UGT1A10: variants seen among roughly 807,000 people sequenced by gnomAD.
UGT1A10 encodes the protein UDP-glucuronosyltransferase 1A10.
In UGT1A10, 49 loss-of-function variants were observed where a neutral mutation model predicts 45.8. The ratio of observed to expected loss-of-function variants is 1.07; its 90% confidence interval spans 0.85 to 1.36. The LOEUF (loss-of-function observed/expected upper bound fraction) is 1.36, where lower values mean the gene tolerates loss of function less well. Ranked by LOEUF, UGT1A10 falls within the 40% of genes most tolerant of loss-of-function variation. The pLI is 0.00. For missense variants in UGT1A10, 745 were observed against 668.6 expected (o/e 1.11, Z -1.26); for synonymous variants, 284 against 249.7 (o/e 1.14, Z -1.29).
At chr2:233,667,755 T>C (rs1280993352) in intron 1 of UGT1A10, among the ~76,000 whole-genome samples, 2 of 152,162 alleles carry the variant, frequency 1.3e-5, no homozygotes, top group Non-Finnish European at 2.9e-5. Flanking sequence ...AGAAGACATT[T>C]ATGCAGCCAA....
chr2:233,745,152 G>T (rs1403503351), intron 1 of UGT1A10, among the ~76,000 whole-genome samples: 1 of 151,720 alleles, frequency 6.6e-6, no homozygotes, highest in Non-Finnish European at 1.5e-5. Flanking sequence ...GTATATGGAG[G>T]GTCAAATGTG....
chr2:233,644,877 GTAGA>G (rs1464039375), intron 1 of UGT1A10, among the ~76,000 whole-genome samples: 3 of 152,138 alleles, frequency 2.0e-5, no homozygotes, highest in Non-Finnish European at 2.9e-5. Context: ...TTTTTCCTGT[GTAGA>G]TAGTTGCTAA....
chr2:233,755,198 G>A (rs1452134349), intron 1 of UGT1A10: 1 of 1,110,818 alleles, frequency 9.0e-7, no homozygotes, highest in Non-Finnish European at 1.3e-6. Flanking sequence ...GCGCCAGCTT[G>A]CGGTACGCCT....
At chr2:233,693,581 C>T in intron 1 of UGT1A10, 1 of 1,614,212 alleles carries the variant, frequency 6.2e-7, no homozygotes, top group Non-Finnish European at 8.5e-7. Flanking sequence ...GTCCTACATT[C>T]CCAGGTGCTA....
chr2:233,716,698 TA>T (rs1450076401), intron 1 of UGT1A10, among the ~76,000 whole-genome samples: 1 of 152,204 alleles, frequency 6.6e-6, no homozygotes, highest in African/African-American at 2.4e-5. Context: ...TACATTCTCT[TA>T]AAAACACTAA....
chr2:233,772,733 G>A lies in UGT1A10; in HGVS notation c.*174G>A, dbSNP rs1019873826. 7 of 1,442,156 alleles carry A rather than the reference G, an allele frequency of 4.9e-6. No homozygotes were observed. Among genetic ancestry groups the A allele is most frequent in the Non-Finnish European group, 6.4e-6 (7 of 1,099,298 alleles). The allele number at this position is 1,442,156 out of a possible 1,614,324, so 89.3% of individuals were successfully genotyped here. A position where few individuals can be genotyped will look rare whatever the true frequency, so the allele number is the denominator to read the frequency against. ...TTAAATAAAAATAATAGACTCGCTA[G>A]TCAGTAAAGATATTTGAATATGTAT... On this transcript the variant is annotated 3_prime_UTR_variant, in exon 5 of 5. Coordinates refer to ENST00000344644, the MANE Select transcript of UGT1A10 (RefSeq NM_019075.4).
In UGT1A10 at chr2:233,718,987, A is replaced by G. The variant is rs1226240136; in HGVS notation, c.856-48047A>G. On this transcript the variant is annotated intron_variant, in intron 1 of 4. Transcript: ENST00000344644. ...TTGCGGGAGCTCCATGCCAGAGGCC[A>G]CCAGGCGGTGGTCCTCACCCCAGAG... 6.2e-7 allele frequency: 1 copy of G among 1,614,246 alleles called. No individual in the cohort carries two copies. Among genetic ancestry groups the G allele is most frequent in the East Asian group, 2.2e-5 (1 of 44,884 alleles).
intron 4 of UGT1A10, chr2:233,770,154 AAC>A (rs1418683747): frequency 6.6e-6 from 1 of 152,270 alleles, no homozygotes. Context: ...TTTTTAAAAA[AAC>A]ACAAATCAAT....
intron 1 of UGT1A10, among the ~76,000 whole-genome samples, chr2:233,673,558 T>C (rs976174628): frequency 1.3e-5 from 2 of 152,052 alleles, no homozygotes; most frequent in African/African-American, 4.8e-5. Flanking sequence ...TGGCATTTTT[T>C]TGCTATTGTG....
intron 1 of UGT1A10, among the ~76,000 whole-genome samples, chr2:233,673,371 A>G (rs1184214213): frequency 6.6e-6 from 1 of 152,170 alleles, no homozygotes; most frequent in African/African-American, 2.4e-5. Flanking sequence ...GTAGTTTTTA[A>G]CCAATTAATA....
intron 1 of UGT1A10, chr2:233,743,502 T>A: frequency 1.5e-6 from 2 of 1,367,112 alleles, no homozygotes; most frequent in Non-Finnish European, 2.0e-6. Context: ...AGAAAAGGGG[T>A]GCAGACGCTC....
intron 1 of UGT1A10, among the ~76,000 whole-genome samples, chr2:233,758,641 A>G (rs1696933975): frequency 6.6e-6 from 1 of 152,212 alleles, no homozygotes; most frequent in Non-Finnish European, 1.5e-5. Flanking sequence ...TCTAAGGAGA[A>G]GAATGAGAGG....
At chr2:233,642,611 G>A (rs1203695324) in intron 1 of UGT1A10, among the ~76,000 whole-genome samples, 1 of 152,158 alleles carries the variant, frequency 6.6e-6, no homozygotes, top group Non-Finnish European at 1.5e-5. Flanking sequence ...TGAAGAGTTA[G>A]GTGTTTATTG....
rs192251895 is a variant in UGT1A10 at position 233,655,592 on chromosome 2, G to A, written c.855+18215G>A. The stretch of plus-strand genomic sequence containing the variant: ...GTCCTAGAAAAACTGTTAGAAAGAA[G>A]GGAAACTGTCTAGTGTGTTTCGCCA... On this transcript the variant is annotated intron_variant, in intron 1 of 4. Coordinates refer to ENST00000344644, the MANE Select transcript of UGT1A10 (RefSeq NM_019075.4). Among the ~76,000 whole-genome samples, 1,163 of 152,266 alleles carry A rather than the reference G, an allele frequency of 7.6e-3. 6 individuals are homozygous for A. Among genetic ancestry groups the A allele is most frequent in the Non-Finnish European group, 8.8e-3 (599 of 68,016 alleles).
chr2:233,755,177 G>A (rs1258738102), intron 1 of UGT1A10: 6 of 1,239,024 alleles, frequency 4.8e-6, no homozygotes, highest in Non-Finnish European at 6.6e-6. Flanking sequence ...TTTTGTCGGG[G>A]TGCCACTTGA....
chr2:233,738,005 T>G (rs1333736742), intron 1 of UGT1A10, among the ~76,000 whole-genome samples: 1 of 152,062 alleles, frequency 6.6e-6, no homozygotes, highest in Non-Finnish European at 1.5e-5. Flanking sequence ...CCACCAAATC[T>G]CATCTTGAAT....
rs756937083 is a variant in UGT1A10, at chr2:233,637,020, G to A, written c.498G>A (p.Val166=). 3.1e-6 allele frequency: 5 copies of A among 1,613,950 alleles called. No individual in the cohort carries two copies. The South Asian group carries it at 4.4e-5, about 14-fold the overall frequency. ...IVAKYFSLPS[V]VFTRGIFCHH... ...CTAAATATTTCTCCCTCCCCTCTGTGGTCTTCACCAGGGGAATATTTTGCC... is the reference window on the plus strand; with the variant it reads ...CTAAATATTTCTCCCTCCCCTCTGTAGTCTTCACCAGGGGAATATTTTGCC... The change falls in exon 1 of 5, where the codon GTG becomes GTA. Residue 166 remains valine, a synonymous_variant. Coordinates refer to ENST00000344644, the MANE Select transcript of UGT1A10 (RefSeq NM_019075.4).
At chr2:233,713,977 C>G in intron 1 of UGT1A10, 1 of 1,595,304 alleles carries the variant, frequency 6.3e-7, no homozygotes, top group Non-Finnish European at 8.5e-7. Context: ...TTCTGCTTCT[C>G]ATTGTTGTAA....
intron 1 of UGT1A10, among the ~76,000 whole-genome samples, chr2:233,694,658 A>T (rs1315709453): frequency 6.6e-6 from 1 of 152,160 alleles, no homozygotes; most frequent in Admixed American, 6.5e-5. Context: ...CTTTTTTATC[A>T]GAGAGAAAGC....
Sources: gnomAD v4.1 joint callset for allele counts (sites outside exome capture counted in the v4.1 genomes callset) on GRCh38, gnomAD v4.1.1 for gene constraint, MANE v1.5 for transcripts, NCBI Gene and HGNC (gene_info 2026-07-23, HGNC 2026-07-21) for gene names.